Variants in FMNL2 observed in about 807,000 individuals in gnomAD.
FMNL2 encodes formin-like protein 2.
Under a neutral mutation model 130.2 loss-of-function variants are expected in FMNL2, and 51 were observed. The ratio of observed to expected loss-of-function variants is 0.39; its 90% CI spans 0.31 to 0.49. The LOEUF (loss-of-function observed/expected upper bound fraction) is 0.49. Among genes scored for constraint, FMNL2 ranks in the 20% least tolerant of loss-of-function variants. The pLI is 0.85. For synonymous variants in FMNL2, 465 were observed against 467.1 expected, an observed-to-expected ratio of 1.00 and a Z score of 0.06; for missense variants, 977 against 1,316.2, an observed-to-expected ratio of 0.74 and a Z score of 3.99.
chr2:152,636,965 G>A (rs1041130773), intron 22 of FMNL2, among the ~76,000 whole-genome samples: 1 of 152,164 alleles, frequency 6.6e-6, no homozygotes, highest in Non-Finnish European at 1.5e-5. Context: ...ACACTATACT[G>A]GGGGTTGCTG....
At chr2:152,366,739 G>A (rs929545026) in intron 1 of FMNL2, among the ~76,000 whole-genome samples, 1 of 152,184 alleles carries the variant, frequency 6.6e-6, no homozygotes, top group African/African-American at 2.4e-5. Context: ...GCCGAGGTGG[G>A]TGGATGGCTT....
intron 1 of FMNL2, among the ~76,000 whole-genome samples, chr2:152,340,620 C>T (rs929836835): frequency 1.3e-5 from 2 of 152,220 alleles, no homozygotes; most frequent in African/African-American, 4.8e-5. Flanking sequence ...AATAGGCAAC[C>T]TGTCAGTGCA....
chr2:152,581,600 G>A (rs1278897824), intron 9 of FMNL2, among the ~76,000 whole-genome samples: 8 of 152,002 alleles, frequency 5.3e-5, no homozygotes, highest in African/African-American at 7.3e-5. Context: ...GACGCCGCGG[G>A]CCCTGCCCCA....
At chr2:152,450,714 C>T (rs1688593881) in intron 1 of FMNL2, among the ~76,000 whole-genome samples, 1 of 152,204 alleles carries the variant, frequency 6.6e-6, no homozygotes. Flanking sequence ...GTGGCATCTC[C>T]TCCTGCTGTC....
chr2:152,619,245 G>T, intron 14 of FMNL2, 87 bp downstream of exon 14: 1 of 1,436,342 alleles, frequency 7.0e-7, no homozygotes, highest in South Asian at 1.5e-5. Context: ...TCCTTTGTCC[G>T]TTTTTGTTGG....
chr2:152,564,798 T>TTTTTTTTA (rs1553477782), intron 6 of FMNL2, among the ~76,000 whole-genome samples: 14 of 146,500 alleles, frequency 9.6e-5, no homozygotes, highest in Non-Finnish European at 1.9e-4. Flanking sequence ...TTTTTTTTTT[T>TTTTTTTTA]AACCAAATTC....
intron 1 of FMNL2, among the ~76,000 whole-genome samples, chr2:152,486,634 G>A (rs1451755440): frequency 6.6e-6 from 1 of 152,146 alleles, no homozygotes; most frequent in African/African-American, 2.4e-5. Flanking sequence ...GAGTTAGTCC[G>A]TAACAGTGCT....
intron 25 of FMNL2, among the ~76,000 whole-genome samples, chr2:152,647,076 T>C (rs373785951): frequency 1.3e-5 from 2 of 152,208 alleles, no homozygotes; most frequent in Middle Eastern, 3.4e-3. Context: ...ATAAAAAATA[T>C]TGGGTGGTAG....
At chr2:152,429,732 A>G (rs1262041800) in intron 1 of FMNL2, among the ~76,000 whole-genome samples, 1 of 151,832 alleles carries the variant, frequency 6.6e-6, no homozygotes, top group Admixed American at 6.6e-5. Context: ...ATGCTCTCAG[A>G]TATGTCTGAA....
chr2:152,359,866 T>C (rs1019638717), intron 1 of FMNL2, among the ~76,000 whole-genome samples: 10 of 152,172 alleles, frequency 6.6e-5, no homozygotes, highest in Non-Finnish European at 1.3e-4. Context: ...CTCAGAACAA[T>C]CCTACGGTAT....
chr2:152,552,408 A>C (rs895010968), intron 4 of FMNL2, among the ~76,000 whole-genome samples: 3 of 152,202 alleles, frequency 2.0e-5, no homozygotes, highest in African/African-American at 7.2e-5. Flanking sequence ...GAAATTAAAA[A>C]GGAGGGATTA....
intron 9 of FMNL2, among the ~76,000 whole-genome samples, chr2:152,585,691 C>T (rs747909195): frequency 6.6e-6 from 1 of 152,112 alleles, no homozygotes; most frequent in Non-Finnish European, 1.5e-5. Flanking sequence ...TGGACCATAG[C>T]TAGCAATCTG....
intron 9 of FMNL2, among the ~76,000 whole-genome samples, chr2:152,593,318 TCA>T (rs1697535041): frequency 6.6e-6 from 1 of 152,046 alleles, no homozygotes; most frequent in Non-Finnish European, 1.5e-5. Flanking sequence ...GGGAAGAAAT[TCA>T]CAGTTACATA....
intron 10 of FMNL2, 149 bp from the exon 11 acceptor site, chr2:152,611,346 A>C: frequency 1.9e-6 from 1 of 513,614 alleles, no homozygotes; most frequent in East Asian, 3.2e-5. Context: ...TTCCAAAAAA[A>C]ACCATATATA....
chr2:152,537,043 A>G (rs768822579), intron 2 of FMNL2, among the ~76,000 whole-genome samples: 2 of 148,118 alleles, frequency 1.4e-5, no homozygotes, highest in Non-Finnish European at 3.0e-5. Flanking sequence ...GACAAACTCT[A>G]TTAGATTTAA....
chr2:152,558,158 C>T (rs1048865523), intron 4 of FMNL2, among the ~76,000 whole-genome samples: 1 of 152,112 alleles, frequency 6.6e-6, no homozygotes, highest in Non-Finnish European at 1.5e-5. Flanking sequence ...TGATAGTATG[C>T]GGTGCCTGCA....
chr2:152,632,328 A>C (rs1371193180), intron 21 of FMNL2, among the ~76,000 whole-genome samples, 191 bp downstream of exon 21: 1 of 152,202 alleles, frequency 6.6e-6, no homozygotes, highest in African/African-American at 2.4e-5. Flanking sequence ...ATGGGTGTAA[A>C]GGTGATCTCT....
rs1422684385 is a variant in FMNL2 at position 152,521,973 on chromosome 2, A to G, written c.148A>G (p.Arg50Gly). 6.2e-7 allele frequency: 1 copy of G among 1,613,060 alleles called. No individual in the cohort carries two copies. ...NAMNLPPDKARLLRQYDNEKK... is the reference protein window; with the variant it reads ...NAMNLPPDKAGLLRQYDNEKK... Reference sequence around the variant, plus strand: ...TATGAACCTACCTCCTGACAAAGCCAGGTTACTGCGGCAGTATGATAATGA... The same window carrying G: ...TATGAACCTACCTCCTGACAAAGCCGGGTTACTGCGGCAGTATGATAATGA... Residue 50 changes from arginine (R) to glycine (G), a missense_variant, in exon 2 of 26, where the codon AGG becomes GGG. Coordinates refer to ENST00000288670, the MANE Select transcript of FMNL2 (RefSeq NM_052905.4).
chr2:152,536,565 T>C (rs1229063549), intron 2 of FMNL2, among the ~76,000 whole-genome samples: 1 of 152,192 alleles, frequency 6.6e-6, no homozygotes, highest in Non-Finnish European at 1.5e-5. Context: ...TGAATTATTT[T>C]AGGATCAAGA....
Sources: allele counts gnomAD v4.1 joint callset (sites outside exome capture counted in the v4.1 genomes callset), GRCh38; gene constraint gnomAD v4.1.1; transcripts MANE v1.5; gene names NCBI Gene and HGNC (gene_info 2026-07-23, HGNC 2026-07-21).